Variants in UNC79 observed in about 807,000 individuals in gnomAD.
The protein encoded by UNC79 is unc-79 subunit of NALCN channel complex, also known as protein unc-79 homolog.
In UNC79, 37 loss-of-function variants were observed where a neutral mutation model predicts 283.1. The ratio of observed to expected loss-of-function variants is 0.13; its 90% CI spans 0.10 to 0.17. UNC79 has a LOEUF of 0.17. Among genes scored for constraint, UNC79 ranks in the 10% least tolerant of loss-of-function variants. The pLI, the probability that UNC79 is intolerant of heterozygous loss-of-function variation, is 1.00. For missense variants in UNC79, 2,272 were observed against 3,211.1 expected (o/e 0.71, Z 7.07); for synonymous variants, 1,107 against 1,200.2 (o/e 0.92, Z 1.61).
chr14:93,706,288 G>A (rs957190906), intron 48 of UNC79, among the ~76,000 whole-genome samples: 11 of 151,910 alleles, frequency 7.2e-5, no homozygotes, highest in African/African-American at 1.7e-4. Flanking sequence ...ACCCAAACAC[G>A]GACCAATAAA....
At chr14:93,466,116 T>A (rs1395820290) in intron 1 of UNC79, among the ~76,000 whole-genome samples, 1 of 152,264 alleles carries the variant, frequency 6.6e-6, no homozygotes, top group African/African-American at 2.4e-5. Context: ...ATTGAGATGA[T>A]GTTTATAAAC....
intron 1 of UNC79, among the ~76,000 whole-genome samples, chr14:93,396,777 A>ATGTGTGTG (rs34727419): frequency 0.012 from 1,737 of 144,404 alleles, 31 homozygotes; most frequent in African/African-American, 0.035. Flanking sequence ...ATGTGTGTGT[A>ATGTGTGTG]TGTGTGTGTG....
At chr14:93,647,077 G>A (rs2069693939) in intron 35 of UNC79, among the ~76,000 whole-genome samples, 1 of 152,176 alleles carries the variant, frequency 6.6e-6, no homozygotes, top group Non-Finnish European at 1.5e-5. Context: ...GGGGCTTATA[G>A]TCTATCCATG....
At chr14:93,527,540 G>A (rs1455016543) in intron 8 of UNC79, among the ~76,000 whole-genome samples, 1 of 152,178 alleles carries the variant, frequency 6.6e-6, no homozygotes, top group Non-Finnish European at 1.5e-5. Flanking sequence ...GGTAAATTGA[G>A]CAATTCTAAC....
chr14:93,478,251 G>A (rs758281563), intron 4 of UNC79, among the ~76,000 whole-genome samples: 5 of 152,078 alleles, frequency 3.3e-5, no homozygotes, highest in Admixed American at 6.6e-5. Flanking sequence ...AAAGTGACTC[G>A]AAATTTATGA....
chr14:93,582,565 G>A (rs1387830575), intron 20 of UNC79, among the ~76,000 whole-genome samples: 1 of 152,126 alleles, frequency 6.6e-6, no homozygotes, highest in Non-Finnish European at 1.5e-5. Flanking sequence ...AGCGGGCACC[G>A]GTTTTCAATA....
At chr14:93,515,068 T>C (rs76107915) in intron 7 of UNC79, among the ~76,000 whole-genome samples, 5 of 152,340 alleles carry the variant, frequency 3.3e-5, no homozygotes, top group South Asian at 2.1e-4. Context: ...CCATTTCATC[T>C]TTCTGTGCTT....
intron 30 of UNC79, 116 bp from the exon 33 acceptor site, chr14:93,630,685 G>C (rs1181875711): frequency 2.7e-6 from 2 of 733,550 alleles, no homozygotes; most frequent in East Asian, 5.4e-5. Context: ...ATTAGGCCAG[G>C]AAAGTGTATA....
chr14:93,674,944 T>G (rs973938105), intron 41 of UNC79, among the ~76,000 whole-genome samples: 9 of 152,204 alleles, frequency 5.9e-5, no homozygotes, highest in Non-Finnish European at 1.2e-4. Flanking sequence ...TTCCATCCCT[T>G]ACGTGGATTA....
chr14:93,520,043 C>T (rs1246672230), intron 7 of UNC79, among the ~76,000 whole-genome samples: 3 of 151,876 alleles, frequency 2.0e-5, no homozygotes, highest in African/African-American at 7.2e-5. Flanking sequence ...GTATCATTTT[C>T]CTTTAGCCCG....
At chr14:93,455,911 A>ATT (rs1331474263) in intron 1 of UNC79, among the ~76,000 whole-genome samples, 1 of 126,242 alleles carries the variant, frequency 7.9e-6, no homozygotes, top group Admixed American at 7.6e-5. Context: ...AGTACAATGG[A>ATT]TTGTGTGTGT....
intron 41 of UNC79, among the ~76,000 whole-genome samples, chr14:93,680,316 A>G (rs184631340): frequency 1.7e-4 from 26 of 152,280 alleles, no homozygotes; most frequent in African/African-American, 6.0e-4. Context: ...ACTTCTTCAC[A>G]AACCTTATCT....
intron 40 of UNC79, among the ~76,000 whole-genome samples, chr14:93,670,770 C>T (rs1311179591): frequency 1.3e-5 from 2 of 152,204 alleles, no homozygotes; most frequent in Non-Finnish European, 2.9e-5. Flanking sequence ...TCTAATTGTG[C>T]CTTGGTCTTT....
chr14:93,532,516 C>A, intron 10 of UNC79, 34 bp from the exon 11 acceptor site: 1 of 1,601,812 alleles, frequency 6.2e-7, no homozygotes, highest in Non-Finnish European at 8.5e-7. Context: ...GGCTCTCTTT[C>A]TTTGTTGATA....
chr14:93,620,356 A>T (rs2067038575), intron 29 of UNC79, among the ~76,000 whole-genome samples: 1 of 152,220 alleles, frequency 6.6e-6, no homozygotes, highest in Admixed American at 6.5e-5. Context: ...TATCAAATGT[A>T]GAGTACAGTA....
At chr14:93,398,161 G>A (rs1035955357) in intron 1 of UNC79, among the ~76,000 whole-genome samples, 3 of 152,136 alleles carry the variant, frequency 2.0e-5, no homozygotes, top group African/African-American at 7.2e-5. Flanking sequence ...TGGCTGTTCT[G>A]TTTTACAAGA....
intron 1 of UNC79, among the ~76,000 whole-genome samples, chr14:93,450,206 AC>A (rs1248954682): frequency 2.0e-5 from 3 of 152,174 alleles, no homozygotes; most frequent in Non-Finnish European, 4.4e-5. Context: ...GCTCAACATG[AC>A]CTGCCTCTAG....
chr14:93,549,414 A>G (rs2061761445), intron 14 of UNC79, among the ~76,000 whole-genome samples: 1 of 152,212 alleles, frequency 6.6e-6, no homozygotes, highest in African/African-American at 2.4e-5. Context: ...CTCAATGCTG[A>G]TAACTCTGAA....
chr14:93,599,536 T>C (rs1262579938), intron 24 of UNC79, among the ~76,000 whole-genome samples: 1 of 152,232 alleles, frequency 6.6e-6, no homozygotes, highest in African/African-American at 2.4e-5. Flanking sequence ...AGTTGACTTC[T>C]GAATAGTTCT....
Sources: allele counts gnomAD v4.1 joint callset (sites outside exome capture counted in the v4.1 genomes callset), GRCh38; gene constraint gnomAD v4.1.1; transcripts MANE v1.5; gene names NCBI Gene and HGNC (gene_info 2026-07-23, HGNC 2026-07-21).